ZNF148: variants seen among roughly 807,000 people sequenced by gnomAD.
ZNF148 encodes zinc finger protein 148.
In ZNF148, 7 loss-of-function variants were observed where a neutral mutation model predicts 67.7. That is an observed-to-expected ratio of 0.10 (90% CI 0.06 to 0.19). The LOEUF (loss-of-function observed/expected upper bound fraction) is 0.19. Among genes scored for constraint, ZNF148 ranks in the 10% least tolerant of loss-of-function variants. ZNF148 has a pLI of 1.00. For missense variants in ZNF148, 583 were observed against 947.1 expected (o/e 0.62, Z 5.05); for synonymous variants, 333 against 330.7 (o/e 1.01, Z -0.08).
intron 4 of ZNF148, among the ~76,000 whole-genome samples, chr3:125,312,719 T>G (rs1940282101): frequency 6.6e-6 from 1 of 152,144 alleles, no homozygotes; most frequent in Non-Finnish European, 1.5e-5. Flanking sequence ...AGACAAGAAT[T>G]TACATGATGG....
chr3:125,364,287 T>C (rs1942635405), intron 1 of ZNF148, among the ~76,000 whole-genome samples: 1 of 152,118 alleles, frequency 6.6e-6, no homozygotes, highest in Admixed American at 6.5e-5. Flanking sequence ...TAATCCTGGC[T>C]ACTAGGGCGG....
At position 125,227,298 on chromosome 3, in the gene ZNF148, A is replaced by C. The variant is rs1935681307; in HGVS notation, c.*5043T>G. On this transcript the variant is annotated 3_prime_UTR_variant, in exon 9 of 9. Coordinates refer to ENST00000360647, the MANE Select transcript of ZNF148 (RefSeq NM_021964.3). Reference sequence around the variant, plus strand: ...GAAAAGGTCAGAAAATGGGATAGGAATAGTAATACTGTATAATCAGAATAT... The same window carrying C: ...GAAAAGGTCAGAAAATGGGATAGGACTAGTAATACTGTATAATCAGAATAT... 1.3e-5 allele frequency: 2 copies of C among 152,660 alleles called. No individual in the cohort carries two copies. The highest frequency in any genetic ancestry group is 2.4e-5 in the African/African-American group (1 of 41,468). 9.5% of individuals were successfully genotyped at this position (152,660 alleles called of 1,614,324 possible).
chr3:125,293,819 T>C (rs537359293), intron 4 of ZNF148, among the ~76,000 whole-genome samples: 70 of 152,268 alleles, frequency 4.6e-4, no homozygotes, highest in Non-Finnish European at 7.5e-4. Flanking sequence ...TAGGTAAACA[T>C]CATGGTAATA....
intron 4 of ZNF148, 67 bp from the exon 5 acceptor site, chr3:125,288,295 T>G: frequency 6.6e-7 from 1 of 1,509,492 alleles, no homozygotes. Context: ...AAGGCCATTT[T>G]ATGTTTAATC....
rs1938222937 is a variant in ZNF148 at position 125,278,983 on chromosome 3, CT to C, written c.583+140del. 4.6e-6 allele frequency: 4 copies of C among 870,936 alleles called. No individual in the cohort carries two copies. In the East Asian group the frequency reaches 1.2e-4, roughly 25 times the overall value. 54.0% of individuals were successfully genotyped at this position (870,936 alleles called of 1,614,324 possible). A position where few individuals can be genotyped will look rare whatever the true frequency, so the allele number is the denominator to read the frequency against. On this transcript the variant is annotated intron_variant, in intron 6 of 8. Coordinates refer to ENST00000360647, the MANE Select transcript of ZNF148 (RefSeq NM_021964.3). ...CTTAAGAGTTTTTCCTGGTTTCCTT[CT>C]GACATTCTGGCCTACAAAATCTCTG...
chr3:125,259,796 C>G (rs1937255269), intron 7 of ZNF148, among the ~76,000 whole-genome samples: 1 of 152,130 alleles, frequency 6.6e-6, no homozygotes, highest in Admixed American at 6.5e-5. Flanking sequence ...GAACTTTTTC[C>G]TTTGCATTCA....
chr3:125,369,639 AT>A (rs1942815224), intron 1 of ZNF148, among the ~76,000 whole-genome samples: 1 of 152,068 alleles, frequency 6.6e-6, no homozygotes, highest in African/African-American at 2.4e-5. Flanking sequence ...TAATTTTGAT[AT>A]TTGTTTTTAA....
chr3:125,355,443 G>A (rs1184633259), intron 1 of ZNF148, among the ~76,000 whole-genome samples: 1 of 152,156 alleles, frequency 6.6e-6, no homozygotes, highest in Non-Finnish European at 1.5e-5. Flanking sequence ...AATGTCTCCA[G>A]ACGTTTGACA....
chr3:125,369,982 C>CAA (rs113170107), intron 1 of ZNF148, among the ~76,000 whole-genome samples: 73 of 129,668 alleles, frequency 5.6e-4, no homozygotes, highest in African/African-American at 2.0e-3. Context: ...GACCCCGTCT[C>CAA]AAAAAAAAAA....
In ZNF148 at chr3:125,233,481, G is replaced by A; in HGVS notation, c.1245C>T (p.Ser415=). The A allele has an allele frequency of 1.2e-6, 2 of 1,613,766 alleles. No homozygotes were observed. The highest frequency in any genetic ancestry group is 1.7e-6 in the Non-Finnish European group (2 of 1,179,910). The part of the protein sequence containing the change: ...LEQNQTISPL[S]TYEESKVSKY... The stretch of plus-strand genomic sequence containing the variant: ...TTGAAACTTTGCTCTCTTCATATGT[G>A]GATAAAGGTGAAATTGTTTGATTTT... Residue 415 remains serine (S), a synonymous_variant, in exon 9 of 9, where the codon TCC becomes TCT. Transcript: ENST00000360647. This position sits in a 1 kb window ranked among gnomAD's most constrained non-coding sequence, Gnocchi z 5.1.
chr3:125,339,077 C>T (rs1941613281), intron 1 of ZNF148, among the ~76,000 whole-genome samples: 1 of 152,172 alleles, frequency 6.6e-6, no homozygotes, highest in African/African-American at 2.4e-5. Context: ...AGTCTCACTA[C>T]ATTTCCCCAG....
At chr3:125,361,274 CCT>C (rs1942530159) in intron 1 of ZNF148, among the ~76,000 whole-genome samples, 2 of 152,048 alleles carry the variant, frequency 1.3e-5, no homozygotes, top group East Asian at 1.9e-4. Context: ...AGGACCACTC[CCT>C]GTTATCCTAT....
At chr3:125,242,022 C>T (rs1158675424) in intron 7 of ZNF148, among the ~76,000 whole-genome samples, 1 of 152,188 alleles carries the variant, frequency 6.6e-6, no homozygotes, top group Admixed American at 6.5e-5. Context: ...CTGCTCGTAT[C>T]TTCCACCTAC....
In ZNF148 at chr3:125,273,519, G is replaced by A. The variant is rs1266515215; in HGVS notation, c.667+4207C>T. 5.3e-5 allele frequency among the ~76,000 whole-genome samples: 7 copies of A among 132,430 alleles called. 1 individual carries two copies. The East Asian group carries it at 8.4e-4, about 16-fold the overall frequency. The allele number at this position is 132,430 out of a possible 152,430, so 86.9% of individuals were successfully genotyped here. On this transcript the variant is annotated intron_variant, in intron 7 of 8. Transcript: ENST00000360647. ...AGAATCTTTTTTTTTTTTTTGAGACGGAGTCTTGCTCTGCTGCCCAGGCTG... is the reference window on the plus strand; with the variant it reads ...AGAATCTTTTTTTTTTTTTTGAGACAGAGTCTTGCTCTGCTGCCCAGGCTG...
At chr3:125,252,984 T>A (rs1444495543) in intron 7 of ZNF148, among the ~76,000 whole-genome samples, 1 of 152,188 alleles carries the variant, frequency 6.6e-6, no homozygotes, top group Admixed American at 6.5e-5. Context: ...CTTTTCCATA[T>A]ATGTTTTAAA....
chr3:125,288,588 A>G (rs941944512), intron 4 of ZNF148, among the ~76,000 whole-genome samples: 2 of 152,062 alleles, frequency 1.3e-5, no homozygotes, highest in Non-Finnish European at 2.9e-5. Context: ...AGCGCACAAA[A>G]AAGGTTAAGG....
chr3:125,244,467 C>A (rs2107533941), intron 7 of ZNF148, among the ~76,000 whole-genome samples: 1 of 152,160 alleles, frequency 6.6e-6, no homozygotes, highest in Admixed American at 6.5e-5. Context: ...ACTCAGGTCA[C>A]CAATACAACC....
intron 1 of ZNF148, among the ~76,000 whole-genome samples, chr3:125,334,727 G>A (rs1250942348): frequency 2.0e-5 from 3 of 152,000 alleles, no homozygotes; most frequent in East Asian, 1.9e-4. Context: ...AGGCAGACCC[G>A]AACTCCTTAT....
intron 2 of ZNF148, among the ~76,000 whole-genome samples, chr3:125,328,266 T>A (rs1448252261): frequency 6.6e-6 from 1 of 152,126 alleles, no homozygotes; most frequent in African/African-American, 2.4e-5. Context: ...AACACAGAAC[T>A]GTTCTTCACT....
Sources: allele counts gnomAD v4.1 joint callset (sites outside exome capture counted in the v4.1 genomes callset), GRCh38; gene constraint gnomAD v4.1.1; non-coding constraint Gnocchi (gnomAD v3.1); transcripts MANE v1.5; gene names NCBI Gene and HGNC (gene_info 2026-07-23, HGNC 2026-07-21).